Variants in NRG3 observed in about 807,000 individuals in gnomAD.
The protein encoded by NRG3 is pro-neuregulin-3, membrane-bound isoform.
NRG3 carries 31 observed loss-of-function variants against 66.9 expected under a neutral mutation model. The observed-to-expected ratio is 0.46, with a 90% CI of 0.35 to 0.63. The LOEUF is 0.63. Ranked by LOEUF, NRG3 falls within the 20% of genes least tolerant of loss-of-function variation. NRG3 has a pLI of 0.00. For missense variants in NRG3, 910 were observed against 878.9 expected (o/e 1.04, Z -0.45); for synonymous variants, 393 against 359.4 (o/e 1.09, Z -1.06).
chr10:81,903,174 C>G (rs756145585), intron 1 of NRG3, among the ~76,000 whole-genome samples: 8 of 152,124 alleles, frequency 5.3e-5, no homozygotes, highest in Admixed American at 1.3e-4. Flanking sequence ...GATGCTTGTA[C>G]TACATGTAAT....
intron 1 of NRG3, among the ~76,000 whole-genome samples, chr10:81,937,994 G>C (rs1848043245): frequency 6.6e-6 from 1 of 152,122 alleles, no homozygotes. Context: ...TTGTTGAAGA[G>C]ACAGTCCTTT....
At chr10:82,429,229 A>C (rs1360716632) in intron 2 of NRG3, among the ~76,000 whole-genome samples, 1 of 152,052 alleles carries the variant, frequency 6.6e-6, no homozygotes, top group Non-Finnish European at 1.5e-5. Flanking sequence ...TCAGATAGGA[A>C]AAGAAAATCC....
intron 4 of NRG3, among the ~76,000 whole-genome samples, chr10:82,899,362 A>C (rs553147229): frequency 1.3e-5 from 2 of 152,332 alleles, no homozygotes; most frequent in East Asian, 1.9e-4. Context: ...AAAATAATAC[A>C]GATAACAACT....
chr10:82,813,067 C>G (rs2061556511), intron 3 of NRG3, among the ~76,000 whole-genome samples: 1 of 152,142 alleles, frequency 6.6e-6, no homozygotes, highest in Non-Finnish European at 1.5e-5. Flanking sequence ...AGGTATCAAT[C>G]TTTGAAACCT....
intron 1 of NRG3, among the ~76,000 whole-genome samples, chr10:82,133,068 A>T (rs977745212): frequency 6.6e-6 from 1 of 151,500 alleles, no homozygotes; most frequent in Non-Finnish European, 1.5e-5. Context: ...TATTTCTGCT[A>T]TATTCTTTAT....
chr10:82,425,905 A>G (rs1271468628), intron 2 of NRG3, among the ~76,000 whole-genome samples: 1 of 152,172 alleles, frequency 6.6e-6, no homozygotes, highest in Non-Finnish European at 1.5e-5. Flanking sequence ...TGATGTGGTG[A>G]TAAGCTGCCG....
intron 1 of NRG3, among the ~76,000 whole-genome samples, chr10:82,133,657 A>G (rs1454955131): frequency 6.6e-6 from 1 of 152,062 alleles, no homozygotes; most frequent in Non-Finnish European, 1.5e-5. Flanking sequence ...TATATTGTCT[A>G]TCATCAGTGG....
intron 1 of NRG3, among the ~76,000 whole-genome samples, chr10:82,194,087 C>T (rs752726102): frequency 3.8e-4 from 58 of 152,262 alleles, no homozygotes; most frequent in African/African-American, 1.2e-3. Flanking sequence ...GAAACCTTAA[C>T]GATGTGAAAT....
intron 2 of NRG3, among the ~76,000 whole-genome samples, chr10:82,398,088 A>G (rs2086831542): frequency 6.6e-6 from 1 of 152,216 alleles, no homozygotes; most frequent in African/African-American, 2.4e-5. Context: ...TGCAACAGTC[A>G]GAGTGCCAGA....
intron 4 of NRG3, among the ~76,000 whole-genome samples, chr10:82,881,954 C>T (rs1415289495): frequency 6.6e-6 from 1 of 152,154 alleles, no homozygotes; most frequent in Non-Finnish European, 1.5e-5. Flanking sequence ...CTCGTTTTTG[C>T]CCCTGGAACA....
intron 1 of NRG3, among the ~76,000 whole-genome samples, chr10:82,266,509 A>C (rs1243067536): frequency 6.6e-6 from 1 of 152,174 alleles, no homozygotes; most frequent in African/African-American, 2.4e-5. Context: ...TCTCAACAGT[A>C]ATCAGCTAAG....
intron 1 of NRG3, among the ~76,000 whole-genome samples, chr10:82,287,876 C>T (rs531383696): frequency 6.6e-6 from 1 of 152,304 alleles, no homozygotes; most frequent in Admixed American, 6.5e-5. Flanking sequence ...GTTCCTCCCT[C>T]AGGTTGCTCA....
chr10:82,820,888 C>A (rs2061923337), intron 3 of NRG3, among the ~76,000 whole-genome samples: 1 of 152,182 alleles, frequency 6.6e-6, no homozygotes. Context: ...AATGAAATAA[C>A]TAGAGTCTTC....
At chr10:82,814,188 T>C (rs1026757207) in intron 3 of NRG3, among the ~76,000 whole-genome samples, 1 of 152,242 alleles carries the variant, frequency 6.6e-6, no homozygotes, top group Non-Finnish European at 1.5e-5. Flanking sequence ...TTTTCAATTA[T>C]GTCAGCATGT....
At position 82,985,892 on chromosome 10, in the gene NRG3, G is replaced by C. The variant is rs996598279; in HGVS notation, c.*287G>C. The stretch of plus-strand genomic sequence containing the variant: ...GCTCTTAGAAGATGTGGGCAATTCA[G>C]ACCCTTGGCCCCACAGTGCCAGTGT... On this transcript the variant is annotated 3_prime_UTR_variant, in exon 9 of 9. Coordinates refer to ENST00000372141, the MANE Select transcript of NRG3 (RefSeq NM_001010848.4). The C allele has an allele frequency of 3.5e-6, 1 of 284,926 alleles. No individual in the cohort carries two copies. Among genetic ancestry groups the C allele is most frequent in the Non-Finnish European group, 6.5e-6 (1 of 153,194 alleles). The allele number at this position is 284,926 out of a possible 1,614,324, so 17.6% of individuals were successfully genotyped here.
intron 2 of NRG3, among the ~76,000 whole-genome samples, chr10:82,556,428 C>T (rs2044655981): frequency 6.6e-6 from 1 of 152,040 alleles, no homozygotes; most frequent in African/African-American, 2.4e-5. Flanking sequence ...CTGGTAAGGA[C>T]TTCATCTCTC....
chr10:82,271,500 C>A lies in NRG3; in HGVS notation c.824-87239C>A, dbSNP rs188456226. Among the ~76,000 whole-genome samples, 372 of 152,090 alleles carry A rather than the reference C, an allele frequency of 2.4e-3. 10 individuals are homozygous for A. Among genetic ancestry groups the A allele is most frequent in the Non-Finnish European group, 6.3e-4 (43 of 67,968 alleles). Reference sequence around the variant, plus strand: ...TGTATGGAATAACAATCAAGAAAATCCCCTTAAAGGTGTTAAAACTCTTTG... The same window carrying A: ...TGTATGGAATAACAATCAAGAAAATACCCTTAAAGGTGTTAAAACTCTTTG... On this transcript the variant is annotated intron_variant, in intron 1 of 8. Transcript: ENST00000372141.
chr10:81,905,327 A>G (rs543987360), intron 1 of NRG3, among the ~76,000 whole-genome samples: 40 of 152,162 alleles, frequency 2.6e-4, no homozygotes, highest in African/African-American at 9.1e-4. Context: ...CAGGTTTCCC[A>G]TTCCTCTAGG....
chr10:82,166,838 A>G, intron 1 of NRG3: 1 of 663,920 alleles, frequency 1.5e-6, no homozygotes, highest in Non-Finnish European at 2.8e-6. Flanking sequence ...TAAGTCTGAA[A>G]CAGTCTTTAT....
Sources: gnomAD v4.1 joint callset for allele counts (sites outside exome capture counted in the v4.1 genomes callset) on GRCh38, gnomAD v4.1.1 for gene constraint, MANE v1.5 for transcripts, NCBI Gene and HGNC (gene_info 2026-07-23, HGNC 2026-07-21) for gene names.